The following ADGRL3 variants were observed in gnomAD, a reference collection of about 807,000 sequenced individuals.
The protein encoded by ADGRL3 is adhesion G protein-coupled receptor L3.
In ADGRL3, 62 loss-of-function variants were observed where a neutral mutation model predicts 153.5. The observed-to-expected ratio is 0.40, with a 90% CI of 0.33 to 0.50. The LOEUF is 0.50. ADGRL3 is among the 20% of genes least tolerant of loss of function. ADGRL3 has a pLI of 0.47. For synonymous variants in ADGRL3, 710 were observed against 672.5 expected, an observed-to-expected ratio of 1.06 and a Z score of -0.86; for missense variants, 1,641 against 1,859.4, an observed-to-expected ratio of 0.88 and a Z score of 2.16.
intron 15 of ADGRL3, among the ~76,000 whole-genome samples, chr4:61,937,455 AT>A (rs1165673334): frequency 4.1e-5 from 6 of 145,072 alleles, no homozygotes; most frequent in Non-Finnish European, 6.0e-5. Context: ...CAATTTTTAC[AT>A]TTTTTTTGAA....
chr4:61,391,779 T>C (rs895415290), intron 2 of ADGRL3, among the ~76,000 whole-genome samples: 3 of 151,938 alleles, frequency 2.0e-5, no homozygotes, highest in African/African-American at 7.3e-5. Context: ...TTTTTAACAC[T>C]AGGATGACTA....
intron 2 of ADGRL3, among the ~76,000 whole-genome samples, chr4:61,424,516 C>A (rs1307602566): frequency 1.3e-5 from 2 of 152,132 alleles, no homozygotes; most frequent in Non-Finnish European, 2.9e-5. Context: ...GGGATGCCCA[C>A]CATCTCTGTG....
intron 4 of ADGRL3, among the ~76,000 whole-genome samples, chr4:61,540,866 A>T (rs569087583): frequency 6.6e-6 from 1 of 152,358 alleles, no homozygotes; most frequent in East Asian, 1.9e-4. Flanking sequence ...ATCTTTGGGT[A>T]TACAAAAGAA....
chr4:61,476,884 T>A (rs2098068025), intron 2 of ADGRL3, among the ~76,000 whole-genome samples: 1 of 151,804 alleles, frequency 6.6e-6, no homozygotes, highest in Non-Finnish European at 1.5e-5. Context: ...CGGCAATGAC[T>A]CTTGTTAGGA....
chr4:62,029,350 T>C (rs1465184480), intron 22 of ADGRL3, among the ~76,000 whole-genome samples: 1 of 151,664 alleles, frequency 6.6e-6, no homozygotes, highest in East Asian at 1.9e-4. Context: ...TAAATATAAA[T>C]AAAGAAAAAA....
chr4:61,335,254 G>C (rs2095652036), intron 1 of ADGRL3, among the ~76,000 whole-genome samples: 1 of 151,964 alleles, frequency 6.6e-6, no homozygotes, highest in Non-Finnish European at 1.5e-5. Context: ...ACTTACATGG[G>C]GGATACCTAT....
intron 1 of ADGRL3, among the ~76,000 whole-genome samples, chr4:61,369,271 A>G (rs921751693): frequency 6.6e-6 from 1 of 152,160 alleles, no homozygotes; most frequent in African/African-American, 2.4e-5. Context: ...ACTATGTTGA[A>G]TAGGAGTGGT....
intron 17 of ADGRL3, among the ~76,000 whole-genome samples, chr4:61,967,190 T>C (rs928143404): frequency 6.6e-6 from 1 of 152,166 alleles, no homozygotes; most frequent in Non-Finnish European, 1.5e-5. Flanking sequence ...CAGACATTTG[T>C]TTTCATGCTT....
At chr4:61,606,849 A>G (rs2099034375) in intron 5 of ADGRL3, among the ~76,000 whole-genome samples, 1 of 152,146 alleles carries the variant, frequency 6.6e-6, no homozygotes, top group Non-Finnish European at 1.5e-5. Flanking sequence ...CCAATTGGAA[A>G]CATAACAAGT....
chr4:61,378,222 T>C (rs545735338), intron 1 of ADGRL3, among the ~76,000 whole-genome samples: 139 of 152,154 alleles, frequency 9.1e-4, no homozygotes, highest in Non-Finnish European at 1.8e-3. Flanking sequence ...CATTTCCTAA[T>C]TTGTTAAATG....
intron 2 of ADGRL3, among the ~76,000 whole-genome samples, chr4:61,419,063 G>T (rs1180512639): frequency 6.6e-6 from 1 of 150,586 alleles, no homozygotes; most frequent in Non-Finnish European, 1.5e-5. Context: ...TGTTAAGAAT[G>T]TTGGTATACT....
chr4:61,965,976 A>T (rs184432930), intron 17 of ADGRL3, among the ~76,000 whole-genome samples: 29 of 152,284 alleles, frequency 1.9e-4, no homozygotes, highest in Non-Finnish European at 3.7e-4. Context: ...ATTATCTCAC[A>T]TTATTGTCAC....
chr4:61,844,213 TAGC>T (rs1303969557), intron 9 of ADGRL3, among the ~76,000 whole-genome samples: 1 of 151,770 alleles, frequency 6.6e-6, no homozygotes, highest in Non-Finnish European at 1.5e-5. Context: ...ATAACAAAAA[TAGC>T]AGTCAAAAAA....
At chr4:61,239,893 A>G (rs982256588) in intron 1 of ADGRL3, among the ~76,000 whole-genome samples, 8 of 152,264 alleles carry the variant, frequency 5.3e-5, no homozygotes, top group African/African-American at 1.9e-4. Flanking sequence ...GTTTAAGTTC[A>G]TCAACCTAAA....
intron 4 of ADGRL3, among the ~76,000 whole-genome samples, chr4:61,521,286 G>A (rs879555810): frequency 6.6e-6 from 1 of 152,100 alleles, no homozygotes; most frequent in Admixed American, 6.6e-5. Context: ...CTGAGTAGAC[G>A]AAACAGCAAC....
intron 4 of ADGRL3, among the ~76,000 whole-genome samples, chr4:61,539,515 G>A (rs1186089200): frequency 6.6e-6 from 1 of 152,196 alleles, no homozygotes; most frequent in Non-Finnish European, 1.5e-5. Context: ...AAGTCAGAGT[G>A]TGCTCTGGGG....
intron 9 of ADGRL3, among the ~76,000 whole-genome samples, chr4:61,837,807 T>C (rs1287593632): frequency 3.3e-5 from 5 of 152,098 alleles, no homozygotes; most frequent in African/African-American, 1.2e-4. Context: ...ATAATAGTCA[T>C]GGTAGTCTTC....
intron 17 of ADGRL3, among the ~76,000 whole-genome samples, chr4:61,950,806 A>G (rs2098944325): frequency 6.6e-6 from 1 of 152,206 alleles, no homozygotes. Context: ...AGGTTGTTTC[A>G]GTAGCTATTG....
chr4:62,005,487 A>G (rs2099154210), intron 21 of ADGRL3, among the ~76,000 whole-genome samples: 2 of 152,188 alleles, frequency 1.3e-5, no homozygotes, highest in African/African-American at 2.4e-5. Context: ...GGTTTCTATC[A>G]GATATAGGAG....
Sources: gnomAD v4.1 joint callset for allele counts (sites outside exome capture counted in the v4.1 genomes callset) on GRCh38, gnomAD v4.1.1 for gene constraint, MANE v1.5 for transcripts, NCBI Gene and HGNC (gene_info 2026-07-23, HGNC 2026-07-21) for gene names.